The following SLC41A2 variants were observed in gnomAD, a reference collection of about 807,000 sequenced individuals.
SLC41A2 encodes the protein SLC41A1-like 1.
A neutral mutation model predicts 58.3 loss-of-function variants in SLC41A2; 32 were observed. The observed-to-expected ratio is 0.55, with a 90% CI of 0.41 to 0.74. The LOEUF is 0.74. Among genes scored for constraint, SLC41A2 ranks in the 30% least tolerant of loss-of-function variants. SLC41A2 has a pLI of 0.00. For synonymous variants in SLC41A2, 190 were observed against 235.0 expected, an observed-to-expected ratio of 0.81 and a Z score of 1.75; for missense variants, 514 against 680.6, an observed-to-expected ratio of 0.76 and a Z score of 2.72.
intron 10 of SLC41A2, among the ~76,000 whole-genome samples, chr12:104,839,729 T>A (rs931638610): frequency 6.6e-6 from 1 of 152,116 alleles, no homozygotes; most frequent in Non-Finnish European, 1.5e-5. Context: ...GGTCTCGAAC[T>A]CCTGACCTCG....
chr12:104,927,418 A>G (rs1008727035), intron 2 of SLC41A2, among the ~76,000 whole-genome samples: 12 of 152,190 alleles, frequency 7.9e-5, no homozygotes, highest in Non-Finnish European at 1.6e-4. Flanking sequence ...TGTATTATTA[A>G]GCAATGAAAA....
At chr12:104,916,217 T>C (rs2046312640) in intron 2 of SLC41A2, among the ~76,000 whole-genome samples, 1 of 152,340 alleles carries the variant, frequency 6.6e-6, no homozygotes, top group African/African-American at 2.4e-5. Context: ...TCAAAGATAT[T>C]GATCTAAAAT....
chr12:104,847,758 A>G (rs1025838659), intron 8 of SLC41A2, among the ~76,000 whole-genome samples: 3 of 152,222 alleles, frequency 2.0e-5, no homozygotes, highest in African/African-American at 7.2e-5. Context: ...ACTTAATGTC[A>G]TTGATAGATT....
In SLC41A2 at chr12:104,866,413, C is replaced by G. The variant is rs776961212; in HGVS notation, c.1175+19G>C. 1.1e-5 allele frequency: 17 copies of G among 1,495,928 alleles called. No homozygotes were observed. The highest frequency in any genetic ancestry group is 2.1e-5 in the Admixed American group (1 of 47,586). The allele number at this position is 1,495,928 out of a possible 1,614,324, so 92.7% of individuals were successfully genotyped here. A position where few individuals can be genotyped will look rare whatever the true frequency, so the allele number is the denominator to read the frequency against. On this transcript the variant is annotated intron_variant, in intron 7 of 10. Coordinates refer to ENST00000258538, the MANE Select transcript of SLC41A2 (RefSeq NM_001352171.3). ...ACACACACACACACACACACACACA[C>G]ACATATTTTAATACTAACCTACTTA...
intron 2 of SLC41A2, among the ~76,000 whole-genome samples, chr12:104,918,898 C>T (rs186028584): frequency 2.1e-3 from 326 of 152,206 alleles, no homozygotes; most frequent in Non-Finnish European, 3.8e-3. Context: ...GCAAAAACTA[C>T]AGTACAATAT....
intron 8 of SLC41A2, among the ~76,000 whole-genome samples, chr12:104,851,250 AT>A: frequency 6.6e-6 from 1 of 152,122 alleles, no homozygotes; most frequent in Non-Finnish European, 1.5e-5. Context: ...AGATCCTGAC[AT>A]TTTCTGGAGA....
chr12:104,815,391 C>CTT lies in SLC41A2; in HGVS notation c.1537-10056_1537-10055dup, dbSNP rs1297192393. ...GTAAATATGCCTTTTGAAAAGGCAA[C>CTT]TTTGTAACCTCAGCTAATTATGCAT... On this transcript the variant is annotated intron_variant, in intron 10 of 10. Transcript: ENST00000258538. Among the ~76,000 whole-genome samples, 3 of 152,072 alleles carry CTT rather than the reference C, an allele frequency of 2.0e-5. No homozygotes were observed. The East Asian group carries it at 5.8e-4, about 29-fold the overall frequency.
At chr12:104,863,319 C>T (rs932987862) in intron 7 of SLC41A2, among the ~76,000 whole-genome samples, 3 of 151,848 alleles carry the variant, frequency 2.0e-5, no homozygotes, top group East Asian at 3.8e-4. Flanking sequence ...CCTGTAGTCC[C>T]GGCTGTTCAA....
chr12:104,826,414 G>A (rs561866494), intron 10 of SLC41A2, among the ~76,000 whole-genome samples: 4 of 152,150 alleles, frequency 2.6e-5, no homozygotes, highest in Admixed American at 6.5e-5. Context: ...GACCTTTGCC[G>A]ACAATGTAGG....
At chr12:104,843,477 C>T (rs2042489404) in intron 10 of SLC41A2, among the ~76,000 whole-genome samples, 1 of 151,930 alleles carries the variant, frequency 6.6e-6, no homozygotes, top group South Asian at 2.1e-4. Flanking sequence ...TCTATACCAG[C>T]CCTAATCAAC....
At chr12:104,929,112 TTTAAACA>T (rs1346279384) in intron 1 of SLC41A2, among the ~76,000 whole-genome samples, 1 of 152,196 alleles carries the variant, frequency 6.6e-6, no homozygotes, top group Non-Finnish European at 1.5e-5. Context: ...GGCATTATAC[TTTAAACA>T]TTAAATAATA....
chr12:104,860,988 A>G (rs2043193555), intron 8 of SLC41A2, among the ~76,000 whole-genome samples: 1 of 152,232 alleles, frequency 6.6e-6, no homozygotes, highest in Non-Finnish European at 1.5e-5. Flanking sequence ...GATAATCCCA[A>G]TGTAAATAAT....
chr12:104,821,939 T>C (rs1361863141), intron 10 of SLC41A2, among the ~76,000 whole-genome samples: 1 of 152,228 alleles, frequency 6.6e-6, no homozygotes, highest in Non-Finnish European at 1.5e-5. Context: ...ATATCATCAT[T>C]CTTGGCTGGG....
chr12:104,883,582 C>T (rs1025377732), intron 6 of SLC41A2, among the ~76,000 whole-genome samples: 9 of 152,332 alleles, frequency 5.9e-5, no homozygotes, highest in Non-Finnish European at 1.3e-4. Context: ...GGACCCTCAG[C>T]TGCAGGTCTG....
At chr12:104,904,784 G>C (rs539042479) in intron 3 of SLC41A2, among the ~76,000 whole-genome samples, 2 of 152,054 alleles carry the variant, frequency 1.3e-5, no homozygotes, top group East Asian at 1.9e-4. Context: ...TGGTGGGCTC[G>C]TGGTCTCGCT....
At chr12:104,924,590 C>T (rs1434413324) in intron 2 of SLC41A2, among the ~76,000 whole-genome samples, 1 of 151,776 alleles carries the variant, frequency 6.6e-6, no homozygotes, top group Non-Finnish European at 1.5e-5. Context: ...ATTAAAAATA[C>T]AAAATTAGCC....
intron 6 of SLC41A2, among the ~76,000 whole-genome samples, chr12:104,883,254 A>G (rs2044478250): frequency 6.6e-6 from 1 of 152,122 alleles, no homozygotes. Context: ...CTTCCTTGCA[A>G]TGGGTTTGAA....
chr12:104,889,505 T>C (rs574869757), intron 4 of SLC41A2, among the ~76,000 whole-genome samples: 1 of 152,256 alleles, frequency 6.6e-6, no homozygotes, highest in African/African-American at 2.4e-5. Context: ...AATCCACACA[T>C]CTGAAGTCTG....
chr12:104,874,132 G>C (rs1296179216), intron 6 of SLC41A2, among the ~76,000 whole-genome samples: 1 of 146,322 alleles, frequency 6.8e-6, no homozygotes, highest in East Asian at 2.0e-4. Flanking sequence ...AGAGTGCAGT[G>C]GCGCAATCTT....
Sources: gnomAD v4.1 joint callset for allele counts (sites outside exome capture counted in the v4.1 genomes callset) on GRCh38, gnomAD v4.1.1 for gene constraint, MANE v1.5 for transcripts, NCBI Gene and HGNC (gene_info 2026-07-23, HGNC 2026-07-21) for gene names.